ADCY4: variants seen among roughly 807,000 people sequenced by gnomAD.
ADCY4 encodes adenylate cyclase 4.
A neutral mutation model predicts 125.5 loss-of-function variants in ADCY4; 111 were observed. The observed-to-expected ratio is 0.88, with a 90% CI of 0.76 to 1.04. The LOEUF is 1.04. ADCY4 is among the 50% of genes least tolerant of loss of function. The pLI is 0.00. For missense variants in ADCY4, 1,256 were observed against 1,382.9 expected (o/e 0.91, Z 1.46); for synonymous variants, 576 against 586.9 (o/e 0.98, Z 0.27).
rs1001457310 is a variant in ADCY4 at position 24,334,378 on chromosome 14, G to C, written c.159+116C>G. On this transcript the variant is annotated intron_variant, in intron 1 of 24. Coordinates refer to ENST00000418030, the MANE Select transcript of ADCY4 (RefSeq NM_001198568.2). Reference sequence around the variant, plus strand: ...CTGCAGTTCCTAGCCAGGCTCAATGGTCCTTTCTTTCTCTGCTCCCAGCAA... The same window carrying C: ...CTGCAGTTCCTAGCCAGGCTCAATGCTCCTTTCTTTCTCTGCTCCCAGCAA... The C allele has an allele frequency of 6.3e-6, 9 of 1,439,408 alleles. No homozygotes were observed. The East Asian group carries it at 2.3e-4, about 36-fold the overall frequency. 89.2% of individuals were successfully genotyped at this position (1,439,408 alleles called of 1,614,324 possible).
Position 24,325,886 on chromosome 14 carries a change from G to C in ADCY4, c.1657C>G (p.Gln553Glu), listed in dbSNP as rs761223710. The C allele has an allele frequency of 5.0e-6, 8 of 1,589,620 alleles. No individual in the cohort carries two copies. Among genetic ancestry groups the C allele is most frequent in the South Asian group, 1.1e-5 (1 of 88,154 alleles). ...TTGAAGTCCTTCGACTGCTTCCACT[G>C]TCTGGTGGGAGGTGGGAGGGTGGGT... ...QVIEQLNSQK[Q>E]WKQSKDFNPL... The change falls in exon 13 of 25, where the codon CAG (glutamine) becomes GAG (glutamate). Residue 553 changes from glutamine to glutamate, a missense_variant and splice_region_variant. Transcript: ENST00000418030.
chr14:24,324,406 A>G lies in ADCY4; in HGVS notation c.1824-15T>C. The G allele has an allele frequency of 6.2e-7, 1 of 1,606,158 alleles. No individual in the cohort carries two copies. Among genetic ancestry groups the G allele is most frequent in the Non-Finnish European group, 8.5e-7 (1 of 1,172,760 alleles). ...GAGCTGGGGGCCTGAAGGGAGACAA[A>G]AGCGAGGCCTTGAAGTGCCAGAACA... On this transcript the variant is annotated splice_polypyrimidine_tract_variant and intron_variant, in intron 14 of 24. Coordinates refer to ENST00000418030, the MANE Select transcript of ADCY4 (RefSeq NM_001198568.2).
chr14:24,318,365 C>T lies in ADCY4; in HGVS notation c.*51G>A. The T allele has an allele frequency of 1.3e-6, 2 of 1,586,732 alleles. No homozygotes were observed. Among genetic ancestry groups the T allele is most frequent in the Non-Finnish European group, 8.6e-7 (1 of 1,163,866 alleles). ...CAGCAGCTTCAGACATCAATGGGCT[C>T]CAGACACCCCAGAGTCTCTTTATTG... On this transcript the variant is annotated 3_prime_UTR_variant, in exon 25 of 25. Transcript: ENST00000418030.
Position 24,332,558 on chromosome 14 carries a change from C to T in ADCY4, c.483G>A (p.Gly161=). Residue 161 remains glycine (G), a synonymous_variant, in exon 3 of 25, where the codon GGG becomes GGA. Transcript: ENST00000418030. ...SHLLVLGLYL[G]PQPDSRPALL... ...GTGCAGGCCGTGAGTCCGGCTGTGG[C>T]CCAAGATACAGCCCGAGGACCAGCA... The T allele has an allele frequency of 6.4e-7, 1 of 1,574,392 alleles. No individual in the cohort carries two copies. The highest frequency in any genetic ancestry group is 8.6e-7 in the Non-Finnish European group (1 of 1,160,084).
At chr14:24,318,865 TG>T in intron 23 of ADCY4, 87 bp from the exon 24 acceptor site, 4 of 1,577,598 alleles carry the variant, frequency 2.5e-6, no homozygotes, top group Non-Finnish European at 1.7e-6. Flanking sequence ...GAGAAGAGCC[TG>T]GGGGGCCCTA....
chr14:24,332,085 T>A, intron 3 of ADCY4, 148 bp from the exon 4 acceptor site: 1 of 1,025,302 alleles, frequency 9.8e-7, no homozygotes, highest in African/African-American at 1.7e-5. Flanking sequence ...CACTGTGGCA[T>A]CCCTAGGGAC....
At chr14:24,322,808 G>C (rs2041875638) in intron 18 of ADCY4, 96 bp downstream of exon 18, 1 of 1,544,402 alleles carries the variant, frequency 6.5e-7, no homozygotes, top group East Asian at 2.4e-5. Context: ...TTTGCCCTGT[G>C]GGTGATTCAG....
chr14:24,331,258 C>T lies in ADCY4; in HGVS notation c.768G>A (p.Glu256=). 3 of 1,614,202 alleles carry T rather than the reference C, an allele frequency of 1.9e-6. No individual in the cohort carries two copies. Among genetic ancestry groups the T allele is most frequent in the Non-Finnish European group, 1.7e-6 (2 of 1,180,034 alleles). ...AGAGGCTGTGGAAATTGTTAGTGCTCTCTGGCCGTGACCCCTGTCCTGCCT... is the reference window on the plus strand; with the variant it reads ...AGAGGCTGTGGAAATTGTTAGTGCTTTCTGGCCGTGACCCCTGTCCTGCCT... ...RLQAGQGSRP[E]STNNFHSLYV... is the part of the protein sequence containing the mutation. The change falls in exon 5 of 25, where the codon GAG becomes GAA. Residue 256 remains glutamate (E), a synonymous_variant. Transcript: ENST00000418030.
Position 24,319,553 on chromosome 14 carries a change from G to A in ADCY4, c.2734-117C>T. On this transcript the variant is annotated intron_variant, in intron 21 of 24. Transcript: ENST00000418030. This position sits in a 1 kb window ranked among gnomAD's most constrained non-coding sequence, Gnocchi z 4.5. ...ATCAGGCTGTGGGAGTGGAGATAGT[G>A]TCAGGAAGGAGAGGGTTGGTGGTGG... 1 of 1,273,354 alleles carries A rather than the reference G, an allele frequency of 7.9e-7. No individual in the cohort carries two copies. The highest frequency in any genetic ancestry group is 1.1e-6 in the Non-Finnish European group (1 of 895,328). 78.9% of individuals were successfully genotyped at this position (1,273,354 alleles called of 1,614,324 possible). A position where few individuals can be genotyped will look rare whatever the true frequency, so the allele number is the denominator to read the frequency against.
Position 24,329,887 on chromosome 14 carries a change from T to C in ADCY4, c.1190A>G (p.Asn397Ser). ...TGGTACACCGCCTGCCTCCATGTGG[T>C]TAGCCAGTGTGACATCATGTGACCA... Reference protein sequence around the residue: ...DVWSHDVTLANHMEAGGVPGR... With the variant: ...DVWSHDVTLASHMEAGGVPGR... Residue 397 changes from asparagine (N) to serine (S), a missense_variant, in exon 8 of 25, where the codon AAC (asparagine) becomes AGC (serine). Coordinates refer to ENST00000418030, the MANE Select transcript of ADCY4 (RefSeq NM_001198568.2). 1 of 1,614,032 alleles carries C rather than the reference T, an allele frequency of 6.2e-7. No individual in the cohort carries two copies. The highest frequency in any genetic ancestry group is 8.5e-7 in the Non-Finnish European group (1 of 1,179,960).
In ADCY4 at chr14:24,329,960, TG is replaced by T; in HGVS notation, c.1116del (p.Ser373AlafsTer67). ...DINMRVGVHS[G>X]SVLCGVIGLQ... ...AGCCCGATGACTCCACACAGTACGC[TG>T]CCTGAGTGCACGCCCACACGCATGT... On this transcript the variant is annotated frameshift_variant, in exon 8 of 25. Coordinates refer to ENST00000418030, the MANE Select transcript of ADCY4 (RefSeq NM_001198568.2). LOFTEE classifies it high-confidence loss of function. The T allele has an allele frequency of 6.2e-7, 1 of 1,614,146 alleles. No homozygotes were observed. The highest frequency in any genetic ancestry group is 8.5e-7 in the Non-Finnish European group (1 of 1,180,006).
rs748416816 is a variant in ADCY4 at position 24,318,647 on chromosome 14, C to G, written c.3081+7G>C. ...CTCCCCCTATGCCTCCAATGTGGTT[C>G]CCTCACTTGGATTTTGCCAAGGACT... is the stretch of plus-strand genomic sequence containing the variant. On this transcript the variant is annotated splice_region_variant and intron_variant, in intron 24 of 24. Transcript: ENST00000418030. 1.5e-5 allele frequency: 24 copies of G among 1,614,012 alleles called. No homozygotes were observed. The highest frequency in any genetic ancestry group is 1.9e-5 in the Non-Finnish European group (23 of 1,180,010).
At chr14:24,322,746 C>A (rs754512107) in intron 18 of ADCY4, 38 bp from the exon 19 acceptor site, 1 of 1,604,090 alleles carries the variant, frequency 6.2e-7, no homozygotes, top group Admixed American at 1.7e-5. Context: ...CCTTGCTTTC[C>A]CCCTTCCTGG....
Position 24,322,094 on chromosome 14 carries a change from T to TG in ADCY4, c.2557dup (p.Gln853ProfsTer18), listed in dbSNP as rs780227888. 9 of 1,613,782 alleles carry TG rather than the reference T, an allele frequency of 5.6e-6. No homozygotes were observed. Among genetic ancestry groups the TG allele is most frequent in the Non-Finnish European group, 7.6e-6 (9 of 1,179,788 alleles). ...GTTGCGCCGGTTCTGGCCAATGAAC[T>TG]GGGGGGCCACGTGTGCAGGGAGCAC... On this transcript the variant is annotated frameshift_variant, in exon 20 of 25. Transcript: ENST00000418030. LOFTEE classifies it high-confidence loss of function.
Position 24,323,473 on chromosome 14 carries a change from G to T in ADCY4, c.2047-19C>A, listed in dbSNP as rs1338401970. On this transcript the variant is annotated intron_variant, in intron 16 of 24. Coordinates refer to ENST00000418030, the MANE Select transcript of ADCY4 (RefSeq NM_001198568.2). ...AGAAGAACTGCAGAGGAGATGAGGA[G>T]TTGAAGAGGCAGGTAGCTTCTTGGG... 6.5e-7 allele frequency: 1 copy of T among 1,549,592 alleles called. No homozygotes were observed. The highest frequency in any genetic ancestry group is 2.0e-5 in the Admixed American group (1 of 50,940).
rs771651408 is a variant in ADCY4 at position 24,330,018 on chromosome 14, C to T, written c.1059G>A (p.Arg353=). The T allele has an allele frequency of 2.5e-6, 4 of 1,613,244 alleles. No homozygotes were observed. The highest frequency in any genetic ancestry group is 3.4e-6 in the Non-Finnish European group (4 of 1,179,372). The change falls in exon 8 of 25, where the codon AGG becomes AGA. Residue 353 remains arginine, a splice_region_variant and synonymous_variant. Coordinates refer to ENST00000418030, the MANE Select transcript of ADCY4 (RefSeq NM_001198568.2). The part of the protein sequence containing the change: ...RMGLDMCRAI[R]KLRAATGVDI... ...CCACGCCAGTGGCTGCCCGCAGTTT[C>T]CTGAGCAGTGTGTGTGTGGGACAAT...
Position 24,319,558 on chromosome 14 carries a change from G to C in ADCY4, c.2734-122C>G. On this transcript the variant is annotated intron_variant, in intron 21 of 24. Transcript: ENST00000418030. The surrounding 1 kb of genome is among the most constrained non-coding windows in gnomAD (Gnocchi z 4.5). ...GCTGTGGGAGTGGAGATAGTGTCAG[G>C]AAGGAGAGGGTTGGTGGTGGGCAGT... 1 of 1,249,832 alleles carries C rather than the reference G, an allele frequency of 8.0e-7. No homozygotes were observed. Among genetic ancestry groups the C allele is most frequent in the Non-Finnish European group, 1.1e-6 (1 of 875,068 alleles). The allele number at this position is 1,249,832 out of a possible 1,614,324, so 77.4% of individuals were successfully genotyped here.
At position 24,319,915 on chromosome 14, in the gene ADCY4, G is replaced by T. The variant is rs1240372532; in HGVS notation, c.2587-27C>A. On this transcript the variant is annotated intron_variant, in intron 20 of 24. Coordinates refer to ENST00000418030, the MANE Select transcript of ADCY4 (RefSeq NM_001198568.2). This position sits in a 1 kb window ranked among gnomAD's most constrained non-coding sequence, Gnocchi z 4.5. ...TGGGGGAACAGGAGACTGGAGTGAG[G>T]GGTGTGTGTCATGTTCCTCTCCCTT... 3.1e-6 allele frequency: 5 copies of T among 1,610,394 alleles called. No individual in the cohort carries two copies. Among genetic ancestry groups the T allele is most frequent in the Non-Finnish European group, 4.2e-6 (5 of 1,179,440 alleles).
rs771598541 is a variant in ADCY4, at chr14:24,332,437, T to C, written c.519+85A>G. Reference sequence around the variant, plus strand: ...CCCAGCGTTGCACCTTGACTTGGAGTCACAGCTCAACAACCCCCTAAAAGG... The same window carrying C: ...CCCAGCGTTGCACCTTGACTTGGAGCCACAGCTCAACAACCCCCTAAAAGG... On this transcript the variant is annotated intron_variant, in intron 3 of 24. Transcript: ENST00000418030. 7 of 1,442,436 alleles carry C rather than the reference T, an allele frequency of 4.9e-6. No individual in the cohort carries two copies. The South Asian group carries it at 7.9e-5, about 16-fold the overall frequency. The allele number at this position is 1,442,436 out of a possible 1,614,324, so 89.4% of individuals were successfully genotyped here.
Sources: gnomAD v4.1 joint callset for allele counts on GRCh38, gnomAD v4.1.1 for gene constraint, Gnocchi (gnomAD v3.1) non-coding constraint, MANE v1.5 for transcripts, NCBI Gene and HGNC (gene_info 2026-07-23, HGNC 2026-07-21) for gene names.